Variants in DCLK1 observed in about 807,000 individuals in gnomAD.
DCLK1 encodes the protein serine/threonine-protein kinase DCLK1.
A neutral mutation model predicts 86.2 loss-of-function variants in DCLK1; 16 were observed. That is an observed-to-expected ratio of 0.19 (90% CI 0.13 to 0.28). The LOEUF is 0.28. Among genes scored for constraint, DCLK1 ranks in the 10% least tolerant of loss-of-function variants. The probability of loss-of-function intolerance (pLI) is 1.00; values close to 1 mark genes in which losing one functional copy is unlikely to be tolerated. For synonymous variants in DCLK1, 369 were observed against 370.5 expected, an observed-to-expected ratio of 1.00 and a Z score of 0.05; for missense variants, 590 against 940.2, an observed-to-expected ratio of 0.63 and a Z score of 4.87.
intron 3 of DCLK1, among the ~76,000 whole-genome samples, chr13:35,958,486 CACT>C (rs1878271421): frequency 6.6e-6 from 1 of 151,740 alleles, no homozygotes; most frequent in African/African-American, 2.4e-5. Flanking sequence ...CCATCACCAC[CACT>C]ACCACCACCA....
At chr13:35,831,655 T>C (rs961829848) in intron 8 of DCLK1, among the ~76,000 whole-genome samples, 10 of 152,004 alleles carry the variant, frequency 6.6e-5, no homozygotes, top group Non-Finnish European at 1.3e-4. Context: ...GTGAGGTGAA[T>C]ACAGGCCGTT....
At chr13:36,065,592 G>T (rs1883718244) in intron 3 of DCLK1, among the ~76,000 whole-genome samples, 1 of 152,130 alleles carries the variant, frequency 6.6e-6, no homozygotes, top group Admixed American at 6.5e-5. Context: ...AATAGTAGAG[G>T]TTTAAACCCT....
chr13:35,950,174 CCTTGCTAGAAGT>C (rs1167995434), intron 3 of DCLK1, among the ~76,000 whole-genome samples: 1 of 152,184 alleles, frequency 6.6e-6, no homozygotes, highest in Non-Finnish European at 1.5e-5. Flanking sequence ...TAAAACCGCT[CCTTGCTAGAAGT>C]CTTCTTAAAG....
chr13:35,783,769 A>G (rs2086572139), intron 16 of DCLK1, among the ~76,000 whole-genome samples: 1 of 152,026 alleles, frequency 6.6e-6, no homozygotes, highest in Non-Finnish European at 1.5e-5. Flanking sequence ...TATTTTTAGT[A>G]GAGACGGGGT....
At chr13:36,020,599 A>G (rs1881734896) in intron 3 of DCLK1, among the ~76,000 whole-genome samples, 1 of 152,184 alleles carries the variant, frequency 6.6e-6, no homozygotes, top group South Asian at 2.1e-4. Context: ...AAGAAAAATG[A>G]ACAGTCCCTC....
At chr13:36,040,458 A>T (rs1171971554) in intron 3 of DCLK1, among the ~76,000 whole-genome samples, 2 of 150,142 alleles carry the variant, frequency 1.3e-5, no homozygotes, top group East Asian at 4.1e-4. Flanking sequence ...GGGGAGGAAG[A>T]CTACAGGGGT....
At chr13:36,075,333 C>T (rs951998073) in intron 3 of DCLK1, among the ~76,000 whole-genome samples, 1 of 152,120 alleles carries the variant, frequency 6.6e-6, no homozygotes, top group Non-Finnish European at 1.5e-5. Flanking sequence ...CTATGGCTTC[C>T]TGAATAACAC....
chr13:36,038,659 T>A (rs1198106914), intron 3 of DCLK1, among the ~76,000 whole-genome samples: 1 of 152,214 alleles, frequency 6.6e-6, no homozygotes, highest in Non-Finnish European at 1.5e-5. Flanking sequence ...GTAGCTGGCA[T>A]GTCTTCCATA....
intron 3 of DCLK1, among the ~76,000 whole-genome samples, chr13:36,012,420 C>G (rs1881315514): frequency 6.6e-6 from 1 of 150,610 alleles, no homozygotes; most frequent in Non-Finnish European, 1.5e-5. Flanking sequence ...TAGGGCAGGC[C>G]TGGTGGTGAC....
At chr13:35,789,423 G>GA (rs982089784) in intron 16 of DCLK1, among the ~76,000 whole-genome samples, 1 of 152,120 alleles carries the variant, frequency 6.6e-6, no homozygotes, top group African/African-American at 2.4e-5. Flanking sequence ...ATTTTATTGA[G>GA]AAAAAAATCA....
At chr13:36,044,166 A>C (rs1926328) in intron 3 of DCLK1, among the ~76,000 whole-genome samples, 99,519 of 152,038 alleles carry the variant, frequency 0.65, 33,009 homozygotes, top group East Asian at 0.99. Flanking sequence ...ATATGACATG[A>C]AGGCTCCCCT....
At chr13:35,987,441 A>G (rs1200313106) in intron 3 of DCLK1, among the ~76,000 whole-genome samples, 1 of 152,156 alleles carries the variant, frequency 6.6e-6, no homozygotes, top group African/African-American at 2.4e-5. Flanking sequence ...GTGAGGCGCC[A>G]GCCACTGGGC....
At chr13:35,848,883 GCAACCT>G (rs1870401963) in intron 6 of DCLK1, 1 of 985,152 alleles carries the variant, frequency 1.0e-6, no homozygotes. Context: ...ACCAGCATAG[GCAACCT>G]CACAGATGTT....
At chr13:35,937,179 T>C (rs1791940926) in intron 4 of DCLK1, among the ~76,000 whole-genome samples, 1 of 151,640 alleles carries the variant, frequency 6.6e-6, no homozygotes, top group African/African-American at 2.4e-5. Flanking sequence ...TTCATTGTGC[T>C]GGCCAGAATG....
At chr13:35,989,830 G>A (rs1047257845) in intron 3 of DCLK1, among the ~76,000 whole-genome samples, 2 of 151,658 alleles carry the variant, frequency 1.3e-5, no homozygotes, top group African/African-American at 4.8e-5. Flanking sequence ...GGGATTACAG[G>A]CATAAGCCAC....
chr13:35,775,997 T>A (rs369472227), intron 16 of DCLK1, among the ~76,000 whole-genome samples: 26 of 152,298 alleles, frequency 1.7e-4, no homozygotes, highest in East Asian at 1.4e-3. Context: ...CTTCAGAAAC[T>A]ATCCACACAC....
chr13:35,975,453 C>T (rs1050014376), intron 3 of DCLK1, among the ~76,000 whole-genome samples: 8 of 151,956 alleles, frequency 5.3e-5, no homozygotes, highest in African/African-American at 1.9e-4. Context: ...GGGTCCACTC[C>T]CTGTTCCTGG....
intron 5 of DCLK1, among the ~76,000 whole-genome samples, chr13:35,857,909 G>A (rs2153111474): frequency 6.6e-6 from 1 of 152,344 alleles, no homozygotes; most frequent in African/African-American, 2.4e-5. Context: ...GGGGTTGGAG[G>A]CGGAGGAATG....
intron 3 of DCLK1, among the ~76,000 whole-genome samples, chr13:35,982,154 T>TG (rs1879674552): frequency 6.6e-6 from 1 of 151,706 alleles, no homozygotes; most frequent in Non-Finnish European, 1.5e-5. Flanking sequence ...GGAGGGATCC[T>TG]GGGCCAGAAA....
Sources: gnomAD v4.1 joint callset for allele counts (sites outside exome capture counted in the v4.1 genomes callset) on GRCh38, gnomAD v4.1.1 for gene constraint, MANE v1.5 for transcripts, NCBI Gene and HGNC (gene_info 2026-07-23, HGNC 2026-07-21) for gene names.